The following CA4 variants were observed in gnomAD, a reference collection of about 807,000 sequenced individuals.
CA4 encodes the protein CA-IV.
CA4 carries 24 observed loss-of-function variants against 34.5 expected under a neutral mutation model. That is an observed-to-expected ratio of 0.70 (90% CI 0.50 to 0.98). CA4 has a LOEUF of 0.98. Among genes scored for constraint, CA4 ranks in the 50% least tolerant of loss-of-function variants. CA4 has a pLI of 0.00. For missense variants in CA4, 394 were observed against 396.7 expected, an observed-to-expected ratio of 0.99 and a Z score of 0.06; for synonymous variants, 178 against 170.6, an observed-to-expected ratio of 1.04 and a Z score of -0.34.
chr17:60,162,421 G>A (rs1224285729), downstream of CA4, among the ~76,000 whole-genome samples: 1 of 152,102 alleles, frequency 6.6e-6, no homozygotes, highest in African/African-American at 2.4e-5. Context: ...AGTCTGGCCT[G>A]GCTTCTGAGA....
intron 1 of CA4, 42 bp from the exon 2 acceptor site, chr17:60,155,272 G>A: frequency 6.3e-7 from 1 of 1,584,274 alleles, no homozygotes. Context: ...TGAGCAACAA[G>A]ACACACGCAC....
Position 60,155,498 on chromosome 17 carries a change from T to TACACACACAC in CA4, c.112+148_112+157dup, listed in dbSNP as rs3830362. 494 of 570,492 alleles carry TACACACACAC rather than the reference T, an allele frequency of 8.7e-4. 4 individuals are homozygous for TACACACACAC. In the African/African-American group the frequency reaches 0.011, roughly 13 times the overall value. 35.3% of individuals were successfully genotyped at this position (570,492 alleles called of 1,614,324 possible). On this transcript the variant is annotated intron_variant, in intron 2 of 7. Coordinates refer to ENST00000300900, the MANE Select transcript of CA4 (RefSeq NM_000717.5). ...CCCAGGCAGATATCAGTTCCCAGCA[T>TACACACACAC]ACACACACACACACACACACACACA...
intron 7 of CA4, 189 bp from the exon 8 acceptor site, chr17:60,159,041 A>T: frequency 1.6e-6 from 1 of 639,366 alleles, no homozygotes; most frequent in Non-Finnish European, 2.8e-6. Context: ...CTTAGCCTTC[A>T]CCCATGCCAC....
At chr17:60,172,841 T>G (rs1012794789), downstream of CA4, among the ~76,000 whole-genome samples, 4 of 145,002 alleles carry the variant, frequency 2.8e-5, no homozygotes, top group African/African-American at 1.0e-4. Flanking sequence ...TGAAACTCCG[T>G]CTCAAAAAAA....
chr17:60,150,411 G>A (rs1222227369), intron 1 of CA4, among the ~76,000 whole-genome samples: 1 of 152,128 alleles, frequency 6.6e-6, no homozygotes, highest in Non-Finnish European at 1.5e-5. Flanking sequence ...GGGTGCTCCA[G>A]CCTGAAATGC....
chr17:60,150,742 C>T (rs958055994), intron 1 of CA4, among the ~76,000 whole-genome samples: 3 of 151,868 alleles, frequency 2.0e-5, no homozygotes, highest in Non-Finnish European at 4.4e-5. Flanking sequence ...CACCCAGCCT[C>T]CTCCGTCTGC....
chr17:60,174,550 G>C (rs1448377580), downstream of CA4, among the ~76,000 whole-genome samples: 2 of 152,096 alleles, frequency 1.3e-5, no homozygotes, highest in Non-Finnish European at 2.9e-5. Context: ...TTCCCAACCA[G>C]GTTCTTATAG....
At chr17:60,157,928 C>T (rs933152679) in intron 5 of CA4, 133 bp from the exon 6 acceptor site, 35 of 1,551,398 alleles carry the variant, frequency 2.3e-5, no homozygotes, top group Non-Finnish European at 2.9e-5. Context: ...TTGCATGTCC[C>T]CGGGCCAGGT....
At chr17:60,153,436 C>T (rs917179647) in intron 1 of CA4, among the ~76,000 whole-genome samples, 2 of 152,338 alleles carry the variant, frequency 1.3e-5, no homozygotes, top group Admixed American at 6.5e-5. Flanking sequence ...CCCATATATA[C>T]AACGCATTGA....
chr17:60,158,122 A>C lies in CA4; in HGVS notation c.575A>C (p.Lys192Thr). ...PLVEALSNIP[K>T]PEMSTTMAES... ...GTGGAGGCACTGTCTAATATCCCCA[A>C]ACCTGGTGAGTCAGGATGGGGGAGA... The change falls in exon 6 of 8, where the codon AAA becomes ACA. Residue 192 changes from lysine (K) to threonine (T), a missense_variant. Physicochemically the swap from Lys to Thr is moderately conservative, Grantham distance 78. Transcript: ENST00000300900. The C allele has an allele frequency of 6.2e-7, 1 of 1,613,604 alleles. No individual in the cohort carries two copies. The highest frequency in any genetic ancestry group is 1.1e-5 in the South Asian group (1 of 91,070).
chr17:60,153,850 G>C (rs2083633671), intron 1 of CA4, among the ~76,000 whole-genome samples: 1 of 152,206 alleles, frequency 6.6e-6, no homozygotes, highest in Non-Finnish European at 1.5e-5. Context: ...GCTGGGGATG[G>C]GCCATCAGGG....
downstream of CA4, among the ~76,000 whole-genome samples, chr17:60,159,894 C>T (rs1384686137): frequency 1.3e-5 from 2 of 152,178 alleles, no homozygotes; most frequent in African/African-American, 4.8e-5. Context: ...AATCCTGGCA[C>T]GTTGCGAGGC....
chr17:60,159,345 C>T lies in CA4; in HGVS notation c.860C>T (p.Pro287Leu), dbSNP rs771703329. 8.7e-6 allele frequency: 14 copies of T among 1,609,092 alleles called. No homozygotes were observed. The highest frequency in any genetic ancestry group is 4.0e-5 in the African/African-American group (3 of 74,810). The change falls in exon 8 of 8, where the codon CCG (proline) becomes CTG (leucine). Residue 287 changes from proline to leucine, a missense_variant. By Grantham distance (98) the Pro-to-Leu change is moderately conservative. Transcript: ENST00000300900. The stretch of plus-strand genomic sequence containing the variant: ...CGCACGGTGATAAAGTCCGGGGCCC[C>T]GGGTCGGCCGCTGCCCTGGGCCCTG... ...GQRTVIKSGAPGRPLPWALPA... is the reference protein window; with the variant it reads ...GQRTVIKSGALGRPLPWALPA...
downstream of CA4, among the ~76,000 whole-genome samples, chr17:60,160,074 A>G (rs574311967): frequency 7.9e-5 from 12 of 152,322 alleles, no homozygotes; most frequent in Middle Eastern, 3.4e-3. Context: ...CAGGAGGCGA[A>G]GGTTGCAGTG....
chr17:60,150,346 G>A (rs1020261151), intron 1 of CA4, among the ~76,000 whole-genome samples: 1 of 152,210 alleles, frequency 6.6e-6, no homozygotes, highest in African/African-American at 2.4e-5. Context: ...GTGTGCGCGT[G>A]GCCCGGCGAG....
At chr17:60,162,068 C>A (rs1438542282), downstream of CA4, among the ~76,000 whole-genome samples, 1 of 152,166 alleles carries the variant, frequency 6.6e-6, no homozygotes, top group Non-Finnish European at 1.5e-5. Context: ...AATCATAAAT[C>A]CGGCCAGCAG....
At chr17:60,165,744 C>T (rs1306274078) in intron 5 of CA4, among the ~76,000 whole-genome samples, 2 of 152,110 alleles carry the variant, frequency 1.3e-5, no homozygotes, top group Non-Finnish European at 2.9e-5. Context: ...TGTCCCCACC[C>T]TTGGCTTCAG....
chr17:60,178,880 C>T, the CA4 span, among the ~76,000 whole-genome samples: 9,877 of 152,238 alleles, frequency 0.065, 1,131 homozygotes, highest in African/African-American at 0.22. Flanking sequence ...GTTTTTTACT[C>T]TGACTCCAAG....
At position 60,167,612 on chromosome 17, in the gene CA4, C is replaced by T. The variant is rs149983707; in HGVS notation, c.*179-2939C>T. 5.9e-5 allele frequency among the ~76,000 whole-genome samples: 9 copies of T among 152,336 alleles called. No individual in the cohort carries two copies. The East Asian group carries it at 1.5e-3, about 26-fold the overall frequency. ...GGGCTGGGACTAAATATTTACCTTG[C>T]CCATTGGGCAAAGATAAGCCTGGTT... On this transcript the variant is annotated intron_variant and NMD_transcript_variant, in intron 5 of 5. Coordinates refer to the CA4 transcript ENST00000586876.
Sources: gnomAD v4.1 joint callset for allele counts (sites outside exome capture counted in the v4.1 genomes callset) on GRCh38, gnomAD v4.1.1 for gene constraint, MANE v1.5 for transcripts, NCBI Gene and HGNC (gene_info 2026-07-23, HGNC 2026-07-21) for gene names.